The following TTC28 variants were observed in gnomAD, a reference collection of about 807,000 sequenced individuals.
TTC28 encodes the protein tetratricopeptide repeat domain 28, also known as tetratricopeptide repeat protein 28.
A neutral mutation model predicts 198.0 loss-of-function variants in TTC28; 61 were observed. The ratio of observed to expected loss-of-function variants is 0.31; its 90% CI spans 0.25 to 0.38. The LOEUF is 0.38. TTC28 is among the 10% of genes least tolerant of loss of function. The probability of loss-of-function intolerance (pLI) is 1.00; values close to 1 mark genes in which losing one functional copy is unlikely to be tolerated. For missense variants in TTC28, 2,678 were observed against 3,164.0 expected, an observed-to-expected ratio of 0.85 and a Z score of 3.69; for synonymous variants, 1,171 against 1,297.8, an observed-to-expected ratio of 0.90 and a Z score of 2.10.
intron 2 of TTC28, among the ~76,000 whole-genome samples, chr22:28,390,521 G>T (rs1202118767): frequency 6.6e-6 from 1 of 152,130 alleles, no homozygotes; most frequent in Non-Finnish European, 1.5e-5. Context: ...ATGAATCTGG[G>T]TGCTCCTGTA....
In TTC28 at chr22:28,141,882, G is replaced by C. The variant is rs135639; in HGVS notation, c.1441+21210C>G. On this transcript the variant is annotated intron_variant, in intron 6 of 22. Transcript: ENST00000397906. ...ACCAAGAAAAGCCACATCAACACAG[G>C]CACAAGGGATTCATTTATTACACCA... Among the ~76,000 whole-genome samples the C allele has an allele frequency of 4.3e-3, 648 of 152,000 alleles. 4 individuals are homozygous for C. The highest frequency in any genetic ancestry group is 7.2e-3 in the Non-Finnish European group (489 of 67,944).
chr22:28,381,077 G>A (rs1023360024), intron 2 of TTC28, among the ~76,000 whole-genome samples: 4 of 151,512 alleles, frequency 2.6e-5, no homozygotes, highest in African/African-American at 9.7e-5. Context: ...AATGTCAGTA[G>A]GGAGGCTGAA....
intron 2 of TTC28, among the ~76,000 whole-genome samples, chr22:28,340,612 C>A (rs192995762): frequency 1.8e-4 from 27 of 152,324 alleles, no homozygotes; most frequent in African/African-American, 6.5e-4. Flanking sequence ...CAGGCTATTT[C>A]TTTCCATGTG....
chr22:28,510,208 C>T (rs189917101), intron 2 of TTC28, among the ~76,000 whole-genome samples: 29 of 152,272 alleles, frequency 1.9e-4, no homozygotes, highest in African/African-American at 4.6e-4. Context: ...AATAACAAAA[C>T]CTGGCAGAGA....
chr22:28,069,236 C>T (rs527292069), intron 12 of TTC28, among the ~76,000 whole-genome samples: 2 of 152,144 alleles, frequency 1.3e-5, no homozygotes, highest in South Asian at 2.1e-4. Flanking sequence ...TTTTTAAGGC[C>T]GACGTTTGTA....
At position 28,099,394 on chromosome 22, in the gene TTC28, G is replaced by A. The variant is rs1022192289; in HGVS notation, c.3418-350C>T. Among the ~76,000 whole-genome samples, 8 of 152,334 alleles carry A rather than the reference G, an allele frequency of 5.3e-5. No individual in the cohort carries two copies. In the South Asian group the frequency reaches 8.3e-4, roughly 16 times the overall value. On this transcript the variant is annotated intron_variant, in intron 9 of 22. Transcript: ENST00000397906. ...TAAAAGGTATAATTACCCTGCTAAC[G>A]CCGTATATATGGCTTGTGCCCACAG...
At chr22:27,999,330 C>T (rs1435344584) in intron 15 of TTC28, 70 bp from the exon 16 acceptor site, 36 of 1,479,968 alleles carry the variant, frequency 2.4e-5, no homozygotes, top group South Asian at 2.2e-4. Flanking sequence ...AGTGGTCGGC[C>T]GAGCACAGGG....
chr22:28,472,075 T>C (rs547823778), intron 2 of TTC28, among the ~76,000 whole-genome samples: 2 of 152,298 alleles, frequency 1.3e-5, no homozygotes, highest in East Asian at 3.9e-4. Context: ...CCTGAATAGC[T>C]AATAAAAGCC....
At chr22:28,250,216 T>C (rs1420255990) in intron 5 of TTC28, among the ~76,000 whole-genome samples, 1 of 152,212 alleles carries the variant, frequency 6.6e-6, no homozygotes, top group Non-Finnish European at 1.5e-5. Flanking sequence ...GCCATTCTGA[T>C]TACTCACGCT....
chr22:28,564,358 AAAGATCTTAC>A (rs1229073045), intron 2 of TTC28, among the ~76,000 whole-genome samples: 2 of 152,184 alleles, frequency 1.3e-5, no homozygotes, highest in Admixed American at 6.5e-5. Context: ...ATCAGATGTC[AAAGATCTTAC>A]AAGATCTTAC....
intron 2 of TTC28, among the ~76,000 whole-genome samples, chr22:28,341,845 G>A (rs762174698): frequency 1.3e-4 from 20 of 151,946 alleles, no homozygotes; most frequent in Non-Finnish European, 1.6e-4. Context: ...CAAACATGGA[G>A]GTGTACGCCT....
At chr22:28,459,967 A>C (rs1264743257) in intron 2 of TTC28, 1 of 152,220 alleles carries the variant, frequency 6.6e-6, no homozygotes, top group Non-Finnish European at 1.5e-5. Context: ...TTCACTGAGA[A>C]AGTGCTAAAT....
At chr22:28,448,870 GA>G (rs1253931334) in intron 2 of TTC28, among the ~76,000 whole-genome samples, 1 of 152,078 alleles carries the variant, frequency 6.6e-6, no homozygotes, top group Non-Finnish European at 1.5e-5. Context: ...CAGAAAGGCT[GA>G]AGTTCCACCC....
chr22:28,363,799 C>T (rs545377409), intron 2 of TTC28, among the ~76,000 whole-genome samples: 152 of 152,324 alleles, frequency 1.0e-3, no homozygotes, highest in African/African-American at 3.4e-3. Context: ...CTCTGGATTT[C>T]AGACTTGTAT....
At chr22:28,600,703 T>C (rs1438056848) in intron 2 of TTC28, among the ~76,000 whole-genome samples, 6 of 152,148 alleles carry the variant, frequency 3.9e-5, no homozygotes, top group African/African-American at 1.4e-4. Flanking sequence ...AGCCACATAA[T>C]GTAGAATAAT....
chr22:28,333,873 T>A (rs1234129146), intron 2 of TTC28, among the ~76,000 whole-genome samples: 1 of 152,168 alleles, frequency 6.6e-6, no homozygotes, highest in African/African-American at 2.4e-5. Context: ...TATTATACTT[T>A]AACTTTTAGG....
rs1941967553 is a variant in TTC28 at position 28,096,236 on chromosome 22, G to T, written c.3720C>A (p.Ser1240=). The change falls in exon 11 of 23, where the codon TCC becomes TCA. Residue 1240 remains serine, a synonymous_variant. Transcript: ENST00000397906. ...NGQRGLVLYY[S]LAAGYLYSWL... ...AGCTATACAGATAGCCTGCAGCCAG[G>T]GAATAGTAAAGCACTAGTCCCCTCT... 3 of 1,551,126 alleles carry T rather than the reference G, an allele frequency of 1.9e-6. No individual in the cohort carries two copies. The highest frequency in any genetic ancestry group is 2.6e-6 in the Non-Finnish European group (3 of 1,146,746).
At chr22:28,116,166 G>C (rs540970253) in intron 6 of TTC28, among the ~76,000 whole-genome samples, 1 of 152,160 alleles carries the variant, frequency 6.6e-6, no homozygotes, top group African/African-American at 2.4e-5. Context: ...CCATCCCAAA[G>C]GCTTGGGCTG....
intron 2 of TTC28, among the ~76,000 whole-genome samples, chr22:28,374,466 T>C (rs1365937339): frequency 1.3e-5 from 2 of 152,200 alleles, no homozygotes; most frequent in African/African-American, 4.8e-5. Flanking sequence ...TATGTAAATG[T>C]AGACACAAAT....
Sources: gnomAD v4.1 joint callset for allele counts (sites outside exome capture counted in the v4.1 genomes callset) on GRCh38, gnomAD v4.1.1 for gene constraint, MANE v1.5 for transcripts, NCBI Gene and HGNC (gene_info 2026-07-23, HGNC 2026-07-21) for gene names.